The following ZNF618 variants were observed in gnomAD, a reference collection of about 807,000 sequenced individuals.
ZNF618 encodes the protein zinc finger protein 618.
A neutral mutation model predicts 103.0 loss-of-function variants in ZNF618; 34 were observed. The ratio of observed to expected loss-of-function variants is 0.33; its 90% CI spans 0.25 to 0.44. ZNF618 has a LOEUF of 0.44. ZNF618 is among the 20% of genes least tolerant of loss of function. The pLI is 1.00. For missense variants in ZNF618, 1,059 were observed against 1,295.4 expected (o/e 0.82, Z 2.80); for synonymous variants, 551 against 542.2 (o/e 1.02, Z -0.23).
chr9:113,979,857 G>T lies in ZNF618; in HGVS notation c.78-8464G>T, dbSNP rs562359554. Among the ~76,000 whole-genome samples the T allele has an allele frequency of 1.9e-3, 290 of 152,322 alleles. 1 individual carries two copies. Among genetic ancestry groups the T allele is most frequent in the Non-Finnish European group, 3.6e-3 (242 of 68,026 alleles). On this transcript the variant is annotated intron_variant, in intron 2 of 14. Transcript: ENST00000374126. ...AGTACACCGAGTGGGTAAATACTGG[G>T]GAACCATAAATGAGTTTCAGCCAAG...
intron 1 of ZNF618, among the ~76,000 whole-genome samples, chr9:113,965,762 T>G (rs931684022): frequency 6.6e-6 from 1 of 152,154 alleles, no homozygotes; most frequent in Non-Finnish European, 1.5e-5. Flanking sequence ...AGCTACATCC[T>G]TAAGGAGCAC....
At chr9:113,905,947 C>T (rs1830948667) in intron 1 of ZNF618, among the ~76,000 whole-genome samples, 4 of 152,100 alleles carry the variant, frequency 2.6e-5, no homozygotes, top group African/African-American at 9.7e-5. Context: ...TTGTTTGCTT[C>T]CCTCTCTTAG....
rs1842616435 is a variant in ZNF618 at position 114,016,005 on chromosome 9, C to A, written c.755-690C>A. ...AGAGTGGGGACCAGGGCACCCTCCC[C>A]CAAGGGGGTAGATGCTGCTCTTTGT... On this transcript the variant is annotated intron_variant, in intron 9 of 14. Coordinates refer to ENST00000374126, the MANE Select transcript of ZNF618 (RefSeq NM_001318042.2). 17 of 1,076,114 alleles carry A rather than the reference C, an allele frequency of 1.6e-5. 1 individual carries two copies. In the South Asian group the frequency reaches 2.5e-4, roughly 16 times the overall value. 66.7% of individuals were successfully genotyped at this position (1,076,114 alleles called of 1,614,324 possible).
chr9:114,047,582 G>A lies in ZNF618; in HGVS notation c.1247-311G>A, dbSNP rs1845766045. Among the ~76,000 whole-genome samples the A allele has an allele frequency of 2.0e-5, 3 of 152,134 alleles. 1 individual carries two copies. In the South Asian group the frequency reaches 6.2e-4, roughly 32 times the overall value. ...AGGTGTGGGGTTCCCAGCCAGGCTT[G>A]GGATCCAGTGCTTCCCATTTCCAGA... On this transcript the variant is annotated intron_variant, in intron 13 of 14. Transcript: ENST00000374126.
chr9:113,995,259 T>G (rs1281848059), intron 3 of ZNF618, among the ~76,000 whole-genome samples: 2 of 151,756 alleles, frequency 1.3e-5, no homozygotes, highest in Admixed American at 6.6e-5. Flanking sequence ...AAAAAAAAAT[T>G]TCCTGGGATC....
chr9:114,025,758 T>A (rs892549862), intron 10 of ZNF618, among the ~76,000 whole-genome samples: 1 of 150,616 alleles, frequency 6.6e-6, no homozygotes, highest in Non-Finnish European at 1.5e-5. Flanking sequence ...GAGGATAACA[T>A]GTCAGATAGC....
intron 10 of ZNF618, among the ~76,000 whole-genome samples, chr9:114,020,199 A>G (rs898918080): frequency 6.6e-6 from 1 of 152,162 alleles, no homozygotes; most frequent in Non-Finnish European, 1.5e-5. Context: ...CTTTATGCCT[A>G]TTCCACATGA....
At chr9:113,984,405 A>G (rs953086640) in intron 2 of ZNF618, among the ~76,000 whole-genome samples, 4 of 152,202 alleles carry the variant, frequency 2.6e-5, no homozygotes, top group Non-Finnish European at 5.9e-5. Flanking sequence ...GCAGCTAGCA[A>G]GAGTCATGGT....
In ZNF618 at chr9:113,883,982, G is replaced by GC. The variant is rs558766678; in HGVS notation, c.33+7589dup. Among the ~76,000 whole-genome samples the GC allele has an allele frequency of 2.4e-4, 7 of 29,708 alleles. 1 individual carries two copies. Among genetic ancestry groups the GC allele is most frequent in the African/African-American group, 3.1e-4 (2 of 6,466 alleles). 19.5% of individuals were successfully genotyped at this position (29,708 alleles called of 152,430 possible). ...TTTACCTCACTTTTCTCTGGGCTTG[G>GC]CCCCCCCCCCCCCCCCCCCCGCCCT... On this transcript the variant is annotated intron_variant, in intron 1 of 14. Coordinates refer to ENST00000374126, the MANE Select transcript of ZNF618 (RefSeq NM_001318042.2).
intron 5 of ZNF618, 52 bp downstream of exon 5, chr9:114,002,125 T>C (rs1564282194): frequency 1.9e-6 from 3 of 1,555,436 alleles, no homozygotes; most frequent in Non-Finnish European, 1.8e-6. Flanking sequence ...TCCCACTGTC[T>C]GCCTGTTTCC....
At chr9:114,026,035 A>C (rs1843469434) in intron 10 of ZNF618, among the ~76,000 whole-genome samples, 2 of 152,222 alleles carry the variant, frequency 1.3e-5, no homozygotes. Context: ...GATGGTGATC[A>C]GTCCTTGAAA....
At chr9:114,042,462 C>T (rs1845284516) in intron 13 of ZNF618, among the ~76,000 whole-genome samples, 1 of 152,068 alleles carries the variant, frequency 6.6e-6, no homozygotes, top group African/African-American at 2.4e-5. Flanking sequence ...TGCTTGAGGC[C>T]AGGAATTTGA....
At chr9:114,024,887 C>A (rs547343629) in intron 10 of ZNF618, among the ~76,000 whole-genome samples, 1 of 152,064 alleles carries the variant, frequency 6.6e-6, no homozygotes, top group Admixed American at 6.6e-5. Context: ...GTTAATTTGC[C>A]GTGCAAATTC....
chr9:113,944,102 A>G (rs1476594349), intron 1 of ZNF618, among the ~76,000 whole-genome samples: 1 of 152,090 alleles, frequency 6.6e-6, no homozygotes, highest in African/African-American at 2.4e-5. Context: ...GTTTGATCCA[A>G]TGTGGAATTT....
intron 6 of ZNF618, among the ~76,000 whole-genome samples, chr9:114,004,572 G>A (rs375265131): frequency 5.3e-5 from 8 of 152,172 alleles, no homozygotes; most frequent in East Asian, 1.9e-4. Flanking sequence ...GCTCTGTAGC[G>A]GGGGTATTTT....
chr9:114,015,231 A>G (rs1025240796), intron 9 of ZNF618, among the ~76,000 whole-genome samples: 5 of 152,228 alleles, frequency 3.3e-5, no homozygotes, highest in African/African-American at 1.2e-4. Context: ...TTAAGAACAA[A>G]TTAATTTTAA....
In ZNF618 at chr9:114,040,990, C is replaced by T. The variant is rs1421037692; in HGVS notation, c.1246+4613C>T. 5.3e-5 allele frequency among the ~76,000 whole-genome samples: 8 copies of T among 152,316 alleles called. No individual in the cohort carries two copies. The South Asian group carries it at 1.5e-3, about 28-fold the overall frequency. On this transcript the variant is annotated intron_variant, in intron 13 of 14. Coordinates refer to ENST00000374126, the MANE Select transcript of ZNF618 (RefSeq NM_001318042.2). ...TATTTCTCCACATCCTCTCCAGCAC[C>T]TGTTGTTTCCTGACTTTTTAATAAT...
rs746237285 is a variant in ZNF618, at chr9:114,007,456, A to G, written c.640+17A>G. Reference sequence around the variant, plus strand: ...CAGTGGATGGTGAGTCAGGCCCCTCACTCCCTGGAGTCATGCCAAGAGGCG... The same window carrying G: ...CAGTGGATGGTGAGTCAGGCCCCTCGCTCCCTGGAGTCATGCCAAGAGGCG... On this transcript the variant is annotated intron_variant, in intron 7 of 14. Coordinates refer to ENST00000374126, the MANE Select transcript of ZNF618 (RefSeq NM_001318042.2). The G allele has an allele frequency of 1.1e-5, 18 of 1,607,378 alleles. No homozygotes were observed. Among genetic ancestry groups the G allele is most frequent in the Non-Finnish European group, 1.5e-5 (18 of 1,177,632 alleles).
intron 13 of ZNF618, among the ~76,000 whole-genome samples, chr9:114,038,129 GC>G (rs1472644950): frequency 6.6e-6 from 1 of 152,348 alleles, no homozygotes; most frequent in East Asian, 1.9e-4. Flanking sequence ...TTGGCAGGCT[GC>G]TTGGGAACCA....
Sources: gnomAD v4.1 joint callset for allele counts (sites outside exome capture counted in the v4.1 genomes callset) on GRCh38, gnomAD v4.1.1 for gene constraint, MANE v1.5 for transcripts, NCBI Gene and HGNC (gene_info 2026-07-23, HGNC 2026-07-21) for gene names.